The following ATL2 variants were observed in gnomAD, a reference collection of about 807,000 sequenced individuals.
ATL2 encodes the protein atlastin GTPase 2.
In ATL2, 31 loss-of-function variants were observed where a neutral mutation model predicts 73.9. The ratio of observed to expected loss-of-function variants is 0.42; its 90% CI spans 0.32 to 0.57. The LOEUF is 0.57. ATL2 is among the 20% of genes least tolerant of loss of function. The probability of loss-of-function intolerance (pLI) is 0.14; values close to 1 mark genes in which losing one functional copy is unlikely to be tolerated. For missense variants in ATL2, 738 were observed against 702.6 expected (o/e 1.05, Z -0.57); for synonymous variants, 291 against 237.5 (o/e 1.23, Z -2.07).
At chr2:38,320,533 T>A (rs1668262220) in intron 2 of ATL2, among the ~76,000 whole-genome samples, 1 of 152,204 alleles carries the variant, frequency 6.6e-6, no homozygotes, top group African/African-American at 2.4e-5. Context: ...GCTAAATTGT[T>A]ATTATGAAAT....
intron 2 of ATL2, among the ~76,000 whole-genome samples, chr2:38,324,947 G>T (rs1195695258): frequency 6.6e-6 from 1 of 152,216 alleles, no homozygotes; most frequent in Non-Finnish European, 1.5e-5. Context: ...AGCAGTTCTG[G>T]AGATGGATAG....
At chr2:38,304,262 A>AG (rs1438665228) in intron 9 of ATL2, among the ~76,000 whole-genome samples, 2 of 152,216 alleles carry the variant, frequency 1.3e-5, no homozygotes, top group Non-Finnish European at 2.9e-5. Flanking sequence ...AAAGTGCTGA[A>AG]GAAAAAAAAC....
chr2:38,371,393 A>C (rs1671681641), intron 1 of ATL2, among the ~76,000 whole-genome samples: 1 of 152,052 alleles, frequency 6.6e-6, no homozygotes, highest in South Asian at 2.1e-4. Context: ...CTGTAGTCTT[A>C]GTTACTGAAG....
At chr2:38,318,470 A>C (rs1357693379) in intron 4 of ATL2, 65 bp downstream of exon 4, 1 of 1,293,200 alleles carries the variant, frequency 7.7e-7, no homozygotes, top group Non-Finnish European at 1.1e-6. Flanking sequence ...CTGTCTCAAA[A>C]AAGAAAAAAA....
At chr2:38,349,991 C>T (rs1346257430) in intron 1 of ATL2, among the ~76,000 whole-genome samples, 2 of 152,134 alleles carry the variant, frequency 1.3e-5, no homozygotes, top group East Asian at 3.8e-4. Flanking sequence ...AGATAAAGTA[C>T]TCCATCAAAC....
chr2:38,318,630 G>A lies in ATL2; in HGVS notation c.508C>T (p.Leu170=). 1 of 1,598,732 alleles carries A rather than the reference G, an allele frequency of 6.3e-7. No individual in the cohort carries two copies. The highest frequency in any genetic ancestry group is 8.5e-7 in the Non-Finnish European group (1 of 1,175,576). Reference sequence around the variant, plus strand: ...AAGGCACCCTGGGTATCCATAAGCAGCACAGCAACCTAGGAATTTGAGAGT... The same window carrying A: ...AAGGCACCCTGGGTATCCATAAGCAACACAGCAACCTAGGAATTTGAGAGT... The part of the protein sequence containing the change: ...DRPNGTKVAV[L]LMDTQGAFDS... Residue 170 remains leucine (L), a synonymous_variant, in exon 4 of 13, where the codon CTG becomes TTG. Coordinates refer to ENST00000378954, the MANE Select transcript of ATL2 (RefSeq NM_001135673.4).
At chr2:38,323,410 G>A (rs377020519) in intron 2 of ATL2, among the ~76,000 whole-genome samples, 14 of 119,066 alleles carry the variant, frequency 1.2e-4, no homozygotes, top group East Asian at 7.5e-4. Context: ...TGCCCAGGCC[G>A]GTCTTGAACT....
In ATL2 at chr2:38,300,336, G is replaced by T; in HGVS notation, c.1072-8C>A. The T allele has an allele frequency of 6.2e-7, 1 of 1,603,186 alleles. No individual in the cohort carries two copies. The highest frequency in any genetic ancestry group is 8.5e-7 in the Non-Finnish European group (1 of 1,170,616). ...ATAGATTTTGATGTAAGCCTAAAAA[G>T]GGAGAAGATTTGTTAGACTGACGGA... On this transcript the variant is annotated splice_polypyrimidine_tract_variant and splice_region_variant and intron_variant, in intron 9 of 12. Coordinates refer to ENST00000378954, the MANE Select transcript of ATL2 (RefSeq NM_001135673.4).
Position 38,321,476 on chromosome 2 carries a change from T to G in ATL2, c.364-2457A>C, listed in dbSNP as rs191262633. 6.1e-4 allele frequency among the ~76,000 whole-genome samples: 93 copies of G among 152,288 alleles called. No individual in the cohort carries two copies. In the East Asian group the frequency reaches 0.016, roughly 27 times the overall value. On this transcript the variant is annotated intron_variant, in intron 2 of 12. Coordinates refer to ENST00000378954, the MANE Select transcript of ATL2 (RefSeq NM_001135673.4). Reference sequence around the variant, plus strand: ...CCCTTCACAGGAATCAGAAGATTATTTTGACACTCCCCGGACAAGTAAAAC... The same window carrying G: ...CCCTTCACAGGAATCAGAAGATTATGTTGACACTCCCCGGACAAGTAAAAC...
intron 1 of ATL2, 133 bp from the exon 2 acceptor site, chr2:38,343,645 T>C: frequency 1.3e-6 from 1 of 794,742 alleles, no homozygotes; most frequent in East Asian, 2.8e-5. Flanking sequence ...ATAATGTTCC[T>C]TTGGATTTCT....
chr2:38,374,687 AT>A (rs1181331463), intron 1 of ATL2, among the ~76,000 whole-genome samples: 1 of 152,264 alleles, frequency 6.6e-6, no homozygotes, highest in African/African-American at 2.4e-5. Context: ...AATTTAAAAA[AT>A]ATATGTTGAA....
chr2:38,343,935 C>T (rs187449974), intron 1 of ATL2, among the ~76,000 whole-genome samples: 79 of 152,256 alleles, frequency 5.2e-4, no homozygotes, highest in African/African-American at 1.8e-3. Context: ...TTTCACCTTC[C>T]GCCATGATTG....
At chr2:38,329,983 G>C (rs1406502969) in intron 2 of ATL2, among the ~76,000 whole-genome samples, 1 of 151,960 alleles carries the variant, frequency 6.6e-6, no homozygotes, top group Non-Finnish European at 1.5e-5. Flanking sequence ...ACAAAAATTA[G>C]CCAGGCACGG....
At chr2:38,314,737 C>G (rs1667937868) in intron 5 of ATL2, 73 bp from the exon 6 acceptor site, 3 of 927,336 alleles carry the variant, frequency 3.2e-6, no homozygotes, top group Admixed American at 2.4e-5. Flanking sequence ...CTGTTCCACA[C>G]CAAAGCTCCA....
intron 1 of ATL2, among the ~76,000 whole-genome samples, chr2:38,363,170 G>C (rs960649944): frequency 2.6e-5 from 4 of 152,154 alleles, no homozygotes; most frequent in Non-Finnish European, 5.9e-5. Context: ...TACACATTTT[G>C]TAAGTAATCA....
At position 38,374,259 on chromosome 2, in the gene ATL2, T is replaced by C. The variant is rs917237743; in HGVS notation, c.118+2884A>G. Among the ~76,000 whole-genome samples the C allele has an allele frequency of 4.6e-5, 7 of 152,232 alleles. 1 individual carries two copies. In the South Asian group the frequency reaches 1.5e-3, roughly 32 times the overall value. The stretch of plus-strand genomic sequence containing the variant: ...GTGTATCATGTGCTGTGTGGAGGAC[T>C]AACGGATAGGAAGAAAACTACTAAA... On this transcript the variant is annotated intron_variant, in intron 1 of 12. Coordinates refer to ENST00000378954, the MANE Select transcript of ATL2 (RefSeq NM_001135673.4).
intron 1 of ATL2, among the ~76,000 whole-genome samples, chr2:38,344,865 G>A (rs1348692313): frequency 2.6e-5 from 4 of 152,112 alleles, no homozygotes; most frequent in African/African-American, 9.7e-5. Flanking sequence ...AAACACTACA[G>A]CTGTTATAGC....
chr2:38,334,898 ATTAT>A (rs375852415), intron 2 of ATL2, among the ~76,000 whole-genome samples: 3 of 136,178 alleles, frequency 2.2e-5, no homozygotes, highest in Non-Finnish European at 3.1e-5. Context: ...TATAATATAT[ATTAT>A]TTATAATATA....
intron 2 of ATL2, among the ~76,000 whole-genome samples, chr2:38,342,807 T>A (rs1486874254): frequency 6.6e-6 from 1 of 152,140 alleles, no homozygotes; most frequent in Non-Finnish European, 1.5e-5. Flanking sequence ...CTCAATTATA[T>A]GTTTCCATAT....
Sources: allele counts gnomAD v4.1 joint callset (sites outside exome capture counted in the v4.1 genomes callset), GRCh38; gene constraint gnomAD v4.1.1; transcripts MANE v1.5; gene names NCBI Gene and HGNC (gene_info 2026-07-23, HGNC 2026-07-21).